The following RBMS1 variants were observed in gnomAD, a reference collection of about 807,000 sequenced individuals.
RBMS1 encodes RNA binding motif single stranded interacting protein 1.
In RBMS1, 17 loss-of-function variants were observed where a neutral mutation model predicts 62.3. That is an observed-to-expected ratio of 0.27 (90% CI 0.19 to 0.41). RBMS1 has a LOEUF of 0.41. RBMS1 is among the 10% of genes least tolerant of loss of function. The pLI is 1.00. For missense variants in RBMS1, 334 were observed against 504.5 expected (o/e 0.66, Z 3.24); for synonymous variants, 172 against 170.0 (o/e 1.01, Z -0.09).
At chr2:160,451,166 A>AAAAAAAAAAAAT (rs985879438) in intron 1 of RBMS1, among the ~76,000 whole-genome samples, 5 of 150,382 alleles carry the variant, frequency 3.3e-5, no homozygotes, top group Admixed American at 6.7e-5. Flanking sequence ...CAGAAAAAAA[A>AAAAAAAAAAAAT]AAATAAATAA....
At chr2:160,448,635 G>A (rs942373848) in intron 1 of RBMS1, among the ~76,000 whole-genome samples, 1 of 152,198 alleles carries the variant, frequency 6.6e-6, no homozygotes, top group Non-Finnish European at 1.5e-5. Context: ...GCGTGATCTC[G>A]GCTCGCTACG....
At chr2:160,289,668 C>A (rs1363186192) in intron 6 of RBMS1, among the ~76,000 whole-genome samples, 3 of 152,074 alleles carry the variant, frequency 2.0e-5, no homozygotes, top group Non-Finnish European at 4.4e-5. Flanking sequence ...CTCATGAAAA[C>A]CCATTTAGTC....
intron 2 of RBMS1, among the ~76,000 whole-genome samples, chr2:160,343,656 G>A (rs1047326825): frequency 2.0e-5 from 3 of 152,092 alleles, no homozygotes; most frequent in African/African-American, 7.2e-5. Context: ...GAGTAAAGAC[G>A]ATATAAAATG....
At chr2:160,330,876 CAAGTT>C (rs1691229166) in intron 2 of RBMS1, among the ~76,000 whole-genome samples, 1 of 152,106 alleles carries the variant, frequency 6.6e-6, no homozygotes. Flanking sequence ...AAGATGTAGT[CAAGTT>C]AAGATGAGTC....
At chr2:160,332,952 A>C (rs1171626082) in intron 2 of RBMS1, among the ~76,000 whole-genome samples, 1 of 151,692 alleles carries the variant, frequency 6.6e-6, no homozygotes, top group African/African-American at 2.4e-5. Flanking sequence ...AGACATACAC[A>C]TACACTCATA....
chr2:160,368,974 C>T (rs570350965), intron 1 of RBMS1, among the ~76,000 whole-genome samples: 4 of 152,230 alleles, frequency 2.6e-5, no homozygotes, highest in Admixed American at 1.3e-4. Flanking sequence ...TTTTTCTGGT[C>T]CTATATCCTT....
intron 1 of RBMS1, among the ~76,000 whole-genome samples, chr2:160,428,756 G>C (rs1682761753): frequency 6.6e-6 from 1 of 152,214 alleles, no homozygotes; most frequent in African/African-American, 2.4e-5. Context: ...AACAGACTAA[G>C]TTAATTAGTA....
At chr2:160,479,048 GGTT>G (rs369196103) in intron 1 of RBMS1, among the ~76,000 whole-genome samples, 1 of 152,144 alleles carries the variant, frequency 6.6e-6, no homozygotes. Flanking sequence ...AGCCTCACTG[GGTT>G]GTTGTTGTTG....
intron 2 of RBMS1, among the ~76,000 whole-genome samples, chr2:160,328,452 G>C (rs757378919): frequency 6.6e-6 from 1 of 150,918 alleles, no homozygotes; most frequent in African/African-American, 2.4e-5. Flanking sequence ...ACATTGGTTT[G>C]AGTGAATAAA....
chr2:160,289,579 T>A (rs553873387), intron 6 of RBMS1, among the ~76,000 whole-genome samples: 7 of 152,176 alleles, frequency 4.6e-5, no homozygotes, highest in Non-Finnish European at 8.8e-5. Flanking sequence ...ACACAAGAGC[T>A]GGGGATACAG....
chr2:160,373,895 G>C (rs982035558), intron 1 of RBMS1, among the ~76,000 whole-genome samples: 1 of 152,136 alleles, frequency 6.6e-6, no homozygotes, highest in Non-Finnish European at 1.5e-5. Flanking sequence ...AGGGAGGAGG[G>C]AGGATGAAAA....
chr2:160,320,575 T>G (rs1235750875), intron 2 of RBMS1, among the ~76,000 whole-genome samples: 1 of 152,092 alleles, frequency 6.6e-6, no homozygotes, highest in African/African-American at 2.4e-5. Context: ...ATCCTTGTGG[T>G]AGTGAGTTCT....
chr2:160,395,567 T>G (rs1206877134), intron 1 of RBMS1, among the ~76,000 whole-genome samples: 1 of 137,292 alleles, frequency 7.3e-6, no homozygotes, highest in Non-Finnish European at 1.5e-5. Context: ...GAGCTTGCAG[T>G]GAGCTGAGAT....
At chr2:160,334,831 T>C (rs1046784277) in intron 2 of RBMS1, among the ~76,000 whole-genome samples, 2 of 151,948 alleles carry the variant, frequency 1.3e-5, no homozygotes, top group Non-Finnish European at 2.9e-5. Context: ...TATACTAATA[T>C]GAGTAGAGAC....
At chr2:160,471,458 T>C (rs143005587) in intron 1 of RBMS1, among the ~76,000 whole-genome samples, 1 of 151,930 alleles carries the variant, frequency 6.6e-6, no homozygotes, top group East Asian at 1.9e-4. Context: ...AAGTCATAAC[T>C]AAATTTATTC....
chr2:160,426,218 G>GAAGAAAGAAAGAAAGAAAGAAAGA (rs57929883), intron 1 of RBMS1, among the ~76,000 whole-genome samples: 11 of 48,722 alleles, frequency 2.3e-4, no homozygotes, highest in African/African-American at 4.6e-4. Flanking sequence ...GAGAGAGACA[G>GAAGAAAGAAAGAAAGAAAGAAAGA]AAGAAAGAAA....
intron 2 of RBMS1, among the ~76,000 whole-genome samples, chr2:160,341,341 T>C (rs766173339): frequency 6.6e-6 from 1 of 152,120 alleles, no homozygotes; most frequent in African/African-American, 2.4e-5. Flanking sequence ...CCATCTTCAG[T>C]CCCATAATGA....
intron 2 of RBMS1, among the ~76,000 whole-genome samples, chr2:160,360,976 A>G (rs1239383029): frequency 6.6e-6 from 1 of 152,216 alleles, no homozygotes; most frequent in Non-Finnish European, 1.5e-5. Context: ...AACAGATTAC[A>G]TTTCAAAAAT....
rs561205730 is a variant in RBMS1 at position 160,467,262 on chromosome 2, G to A, written c.75+26027C>T. Among the ~76,000 whole-genome samples the A allele has an allele frequency of 5.9e-5, 9 of 151,776 alleles. No homozygotes were observed. In the South Asian group the frequency reaches 8.3e-4, roughly 14 times the overall value. The stretch of plus-strand genomic sequence containing the variant: ...CTGCTGTGAGGAATGCAAAATGAAC[G>A]CAGCTGACCAGTAAGTGTACAAGGT... On this transcript the variant is annotated intron_variant, in intron 1 of 13. Coordinates refer to ENST00000348849, the MANE Select transcript of RBMS1 (RefSeq NM_016836.4).
Sources: gnomAD v4.1 joint callset for allele counts (sites outside exome capture counted in the v4.1 genomes callset) on GRCh38, gnomAD v4.1.1 for gene constraint, MANE v1.5 for transcripts, NCBI Gene and HGNC (gene_info 2026-07-23, HGNC 2026-07-21) for gene names.